The following MRTFB variants were observed in gnomAD, a reference collection of about 807,000 sequenced individuals.
MRTFB encodes myocardin related transcription factor B.
Under a neutral mutation model 104.2 loss-of-function variants are expected in MRTFB, and 29 were observed. The ratio of observed to expected loss-of-function variants is 0.28; its 90% CI spans 0.21 to 0.38. MRTFB has a LOEUF of 0.38. MRTFB is among the 10% of genes least tolerant of loss of function. MRTFB has a pLI of 1.00. For missense variants in MRTFB, 1,270 were observed against 1,341.6 expected (o/e 0.95, Z 0.83); for synonymous variants, 535 against 519.5 (o/e 1.03, Z -0.41).
At chr16:14,191,456 A>G (rs1433159115) in intron 3 of MRTFB, among the ~76,000 whole-genome samples, 1 of 152,176 alleles carries the variant, frequency 6.6e-6, no homozygotes, top group Non-Finnish European at 1.5e-5. Flanking sequence ...CAGTAACTGT[A>G]TCTGTACCAT....
At chr16:14,073,477 C>T (rs1219033164) in intron 1 of MRTFB, among the ~76,000 whole-genome samples, 2 of 152,120 alleles carry the variant, frequency 1.3e-5, no homozygotes, top group Non-Finnish European at 2.9e-5. Flanking sequence ...GAGTTTTGTC[C>T]TGTTTTGTTT....
At chr16:14,244,014 G>A (rs1364323603) in intron 10 of MRTFB, among the ~76,000 whole-genome samples, 2 of 151,736 alleles carry the variant, frequency 1.3e-5, no homozygotes, top group East Asian at 1.9e-4. Flanking sequence ...AGTAGCTGGG[G>A]CTACAGGCGC....
At chr16:14,080,569 G>A (rs1357066690) in intron 2 of MRTFB, among the ~76,000 whole-genome samples, 1 of 152,172 alleles carries the variant, frequency 6.6e-6, no homozygotes, top group East Asian at 1.9e-4. Flanking sequence ...TCACCATGCT[G>A]TACAATAGAT....
intron 3 of MRTFB, chr16:14,186,986 A>G (rs756962283): frequency 2.9e-5 from 46 of 1,597,826 alleles, no homozygotes; most frequent in Non-Finnish European, 3.7e-5. Context: ...TTGAACCATT[A>G]AAAGAAAAGG....
chr16:14,084,559 A>G (rs2034590395), intron 2 of MRTFB, among the ~76,000 whole-genome samples: 2 of 152,158 alleles, frequency 1.3e-5, no homozygotes, highest in Admixed American at 1.3e-4. Context: ...TAAAAAGATA[A>G]ATAAAGAAGC....
rs1176805601 is a variant in MRTFB, at chr16:14,247,107, C to T, written c.1847C>T (p.Ala616Val). The T allele has an allele frequency of 1.2e-6, 2 of 1,614,054 alleles. No homozygotes were observed. The highest frequency in any genetic ancestry group is 1.7e-6 in the Non-Finnish European group (2 of 1,180,050). Residue 616 changes from alanine (A) to valine (V), a missense_variant, in exon 12 of 17, where the codon GCC (alanine) becomes GTC (valine). Coordinates refer to ENST00000571589, the MANE Select transcript of MRTFB (RefSeq NM_001308142.2). ...GGGCAGCAGCAGCGGCCCCTGGAAG[C>T]CCAGCCCAGTGCCCCAGGTCATTCT... ...KRGQQQRPLE[A>V]QPSAPGHSVK...
At chr16:14,259,582 G>A (rs926464964) in intron 16 of MRTFB, among the ~76,000 whole-genome samples, 1 of 152,028 alleles carries the variant, frequency 6.6e-6, no homozygotes, top group Non-Finnish European at 1.5e-5. Context: ...CCAACATGGT[G>A]AAACTAAAAA....
At chr16:14,238,874 T>C (rs1479165549) in intron 9 of MRTFB, among the ~76,000 whole-genome samples, 1 of 152,242 alleles carries the variant, frequency 6.6e-6, no homozygotes, top group African/African-American at 2.4e-5. Flanking sequence ...TCCTAGTTAA[T>C]TGGATTATAT....
At chr16:14,067,170 T>G (rs936367656), upstream of MRTFB, among the ~76,000 whole-genome samples, 9 of 151,846 alleles carry the variant, frequency 5.9e-5, no homozygotes, top group African/African-American at 2.2e-4. Flanking sequence ...GCAACTTCAG[T>G]TCCTATAAAA....
At chr16:14,056,944 T>G in the MRTFB span, among the ~76,000 whole-genome samples, 127 of 152,334 alleles carry the variant, frequency 8.3e-4, no homozygotes, top group African/African-American at 3.0e-3. Context: ...AGACTGATGC[T>G]TAAATCCTGG....
At chr16:14,132,312 ATTTT>A (rs879649675) in intron 2 of MRTFB, among the ~76,000 whole-genome samples, 2 of 144,338 alleles carry the variant, frequency 1.4e-5, no homozygotes, top group Non-Finnish European at 3.1e-5. Context: ...TGGGTACAGG[ATTTT>A]TTTTTTTTTT....
the MRTFB span, among the ~76,000 whole-genome samples, chr16:14,047,816 G>A: frequency 7.6e-3 from 1,159 of 152,210 alleles, 13 homozygotes; most frequent in Middle Eastern, 0.058. Flanking sequence ...GATGAGATTC[G>A]GGTGGGGACA....
intron 3 of MRTFB, among the ~76,000 whole-genome samples, chr16:14,147,090 T>C (rs1178681903): frequency 6.6e-6 from 1 of 152,228 alleles, no homozygotes; most frequent in African/African-American, 2.4e-5. Flanking sequence ...CTGGAGTGTT[T>C]CATGTAATTC....
intron 1 of MRTFB, among the ~76,000 whole-genome samples, chr16:14,078,303 G>A (rs1183114321): frequency 6.6e-6 from 1 of 152,118 alleles, no homozygotes; most frequent in Non-Finnish European, 1.5e-5. Context: ...ACATTCAGAT[G>A]TTTGTTAAAT....
intron 3 of MRTFB, among the ~76,000 whole-genome samples, chr16:14,169,737 A>T (rs1483561555): frequency 6.6e-6 from 1 of 152,210 alleles, no homozygotes; most frequent in Non-Finnish European, 1.5e-5. Context: ...AGTTAAAGAA[A>T]TTGTAAGCCA....
At chr16:14,077,937 A>C (rs2034163061) in intron 1 of MRTFB, among the ~76,000 whole-genome samples, 2 of 152,186 alleles carry the variant, frequency 1.3e-5, no homozygotes, top group Non-Finnish European at 2.9e-5. Context: ...CAATTAATGT[A>C]CCTGAAAACC....
the MRTFB span, among the ~76,000 whole-genome samples, chr16:14,057,701 T>C: frequency 2.6e-5 from 4 of 152,158 alleles, no homozygotes; most frequent in East Asian, 7.7e-4. Context: ...AGTTGTTCAC[T>C]ATGAAACCCC....
At chr16:14,097,452 G>A (rs2035448818) in intron 2 of MRTFB, among the ~76,000 whole-genome samples, 2 of 152,206 alleles carry the variant, frequency 1.3e-5, no homozygotes, top group Non-Finnish European at 2.9e-5. Context: ...AAAGGAAAAG[G>A]TGTATTTGAA....
intron 2 of MRTFB, among the ~76,000 whole-genome samples, chr16:14,114,517 C>T (rs1396783443): frequency 6.6e-6 from 1 of 152,196 alleles, no homozygotes; most frequent in East Asian, 1.9e-4. Context: ...AGGATTTCTT[C>T]TGGGTAAAAG....
Sources: allele counts gnomAD v4.1 joint callset (sites outside exome capture counted in the v4.1 genomes callset), GRCh38; gene constraint gnomAD v4.1.1; transcripts MANE v1.5; gene names NCBI Gene and HGNC (gene_info 2026-07-23, HGNC 2026-07-21).